The following RYR3 variants were observed in gnomAD, a reference collection of about 807,000 sequenced individuals.
RYR3 encodes brain ryanodine receptor-calcium release channel.
Under a neutral mutation model 584.3 loss-of-function variants are expected in RYR3, and 207 were observed. The ratio of observed to expected loss-of-function variants is 0.35; its 90% CI spans 0.32 to 0.40. The LOEUF is 0.40. RYR3 is among the 10% of genes least tolerant of loss of function. RYR3 has a pLI of 1.00. For missense variants in RYR3, 5,616 were observed against 6,089.2 expected, an observed-to-expected ratio of 0.92 and a Z score of 2.59; for synonymous variants, 2,416 against 2,248.5, an observed-to-expected ratio of 1.07 and a Z score of -2.11.
In RYR3 at chr15:33,746,058, A is replaced by G. The variant is rs1178972560; in HGVS notation, c.7900-10A>G. The G allele has an allele frequency of 6.4e-6, 10 of 1,573,974 alleles. No individual in the cohort carries two copies. The highest frequency in any genetic ancestry group is 7.8e-6 in the Non-Finnish European group (9 of 1,155,460). On this transcript the variant is annotated splice_polypyrimidine_tract_variant and intron_variant, in intron 52 of 103. Transcript: ENST00000634891. ...TGCCAAGGATATTTGAACTGAGAAC[A>G]TTTCTACAGAGTCAGAGTGGATGGA...
intron 12 of RYR3, among the ~76,000 whole-genome samples, chr15:33,572,063 A>G (rs1406513969): frequency 6.6e-6 from 1 of 152,208 alleles, no homozygotes; most frequent in African/African-American, 2.4e-5. Context: ...GCAACTTTGC[A>G]TTAACATTTT....
chr15:33,678,869 A>G (rs2064374528), intron 38 of RYR3, among the ~76,000 whole-genome samples: 1 of 152,186 alleles, frequency 6.6e-6, no homozygotes. Flanking sequence ...CTTTGACTGC[A>G]GAGAGCCTTG....
chr15:33,685,592 A>G (rs1173993199), intron 38 of RYR3, among the ~76,000 whole-genome samples: 3 of 152,224 alleles, frequency 2.0e-5, no homozygotes, highest in Admixed American at 6.5e-5. Context: ...CCAAGCGTAC[A>G]TAATAGACAT....
In RYR3 at chr15:33,613,334, C is replaced by T. The variant is rs770405615; in HGVS notation, c.2316C>T (p.Asp772=). The T allele has an allele frequency of 1.6e-5, 26 of 1,612,648 alleles. No individual in the cohort carries two copies. Among genetic ancestry groups the T allele is most frequent in the Middle Eastern group, 1.6e-4 (1 of 6,078 alleles). ...VQGMFENFNT[D]GLFFPVMSFS... is the part of the protein sequence containing the mutation. The stretch of plus-strand genomic sequence containing the variant: ...GGATGTTTGAGAACTTCAACACAGA[C>T]GGGCTCTTCTTCCCTGTGATGAGCT... The change falls in exon 19 of 104, where the codon GAC becomes GAT. Residue 772 remains aspartate, a synonymous_variant. Transcript: ENST00000634891.
At chr15:33,842,453 T>C (rs2078431382) in intron 91 of RYR3, among the ~76,000 whole-genome samples, 1 of 152,270 alleles carries the variant, frequency 6.6e-6, no homozygotes, top group African/African-American at 2.4e-5. Context: ...AAACCTTGAT[T>C]GTTCTATATG....
At chr15:33,740,740 A>C (rs2152835447) in intron 51 of RYR3, among the ~76,000 whole-genome samples, 1 of 152,360 alleles carries the variant, frequency 6.6e-6, no homozygotes, top group East Asian at 1.9e-4. Flanking sequence ...AGTAAGCCTG[A>C]GCCTATATGA....
intron 63 of RYR3, 117 bp downstream of exon 63, chr15:33,772,275 C>A: frequency 5.0e-6 from 3 of 599,694 alleles, no homozygotes; most frequent in East Asian, 2.8e-5. Flanking sequence ...TTATTCCATG[C>A]CTTTTCTTTC....
intron 67 of RYR3, among the ~76,000 whole-genome samples, chr15:33,789,575 C>T (rs2074962784): frequency 8.3e-6 from 1 of 120,872 alleles, no homozygotes; most frequent in Non-Finnish European, 1.6e-5. Flanking sequence ...ATGTACTAAA[C>T]ATCGCTGATT....
intron 1 of RYR3, among the ~76,000 whole-genome samples, chr15:33,384,766 A>G (rs2141225986): frequency 6.6e-6 from 1 of 152,168 alleles, no homozygotes; most frequent in East Asian, 1.9e-4. Context: ...ACCATGTTGT[A>G]TAATGGATCC....
At chr15:33,364,103 A>G (rs1380055595) in intron 1 of RYR3, among the ~76,000 whole-genome samples, 1 of 152,218 alleles carries the variant, frequency 6.6e-6, no homozygotes. Context: ...GTAACTTCTT[A>G]TATTGAATAC....
intron 50 of RYR3, among the ~76,000 whole-genome samples, chr15:33,739,293 A>G (rs2069825005): frequency 6.6e-6 from 1 of 152,230 alleles, no homozygotes; most frequent in African/African-American, 2.4e-5. Flanking sequence ...TCGTTGGTCT[A>G]GTATAAGCAG....
chr15:33,626,231 A>T (rs2060978207), intron 20 of RYR3, among the ~76,000 whole-genome samples: 1 of 152,206 alleles, frequency 6.6e-6, no homozygotes. Context: ...CTTTGACCAA[A>T]GTGCTGATAG....
chr15:33,843,410 C>G (rs2078508373), intron 91 of RYR3, 78 bp from the exon 92 acceptor site: 2 of 966,598 alleles, frequency 2.1e-6, no homozygotes, highest in African/African-American at 3.2e-5. Context: ...CTAACCAGAA[C>G]TGACCTTCTG....
intron 1 of RYR3, among the ~76,000 whole-genome samples, chr15:33,443,859 A>T (rs1036713151): frequency 6.6e-6 from 1 of 152,090 alleles, no homozygotes; most frequent in Non-Finnish European, 1.5e-5. Context: ...TCATTTTTGG[A>T]GATTTCAGCG....
intron 1 of RYR3, among the ~76,000 whole-genome samples, chr15:33,320,942 C>T (rs1968882091): frequency 6.6e-6 from 1 of 152,192 alleles, no homozygotes; most frequent in Non-Finnish European, 1.5e-5. Flanking sequence ...TCCTGGCATT[C>T]TGCTTCACTC....
intron 1 of RYR3, among the ~76,000 whole-genome samples, chr15:33,435,507 CTTATACTTGTGTGAGAATTTCTTCAGGAT>C (rs912991204): frequency 2.0e-5 from 3 of 152,108 alleles, no homozygotes; most frequent in Non-Finnish European, 4.4e-5. Flanking sequence ...AATAAACATT[CTTATACTTGTGTGAGAATTTCTTCAGGAT>C]TTATACTTAC....
At chr15:33,764,454 C>G (rs1219994794) in intron 60 of RYR3, among the ~76,000 whole-genome samples, 2 of 151,910 alleles carry the variant, frequency 1.3e-5, no homozygotes, top group Non-Finnish European at 2.9e-5. Flanking sequence ...GGAGGGATAG[C>G]ATTAGGAGAA....
intron 2 of RYR3, among the ~76,000 whole-genome samples, chr15:33,485,316 A>G (rs2050316913): frequency 6.6e-6 from 1 of 152,200 alleles, no homozygotes. Context: ...AAGACAACCA[A>G]TGAGGCATCT....
At chr15:33,368,704 C>T (rs372182223) in intron 1 of RYR3, among the ~76,000 whole-genome samples, 8 of 152,026 alleles carry the variant, frequency 5.3e-5, no homozygotes, top group African/African-American at 1.7e-4. Context: ...TGCACCTTGT[C>T]GGAGTGCCCC....
Sources: gnomAD v4.1 joint callset for allele counts (sites outside exome capture counted in the v4.1 genomes callset) on GRCh38, gnomAD v4.1.1 for gene constraint, MANE v1.5 for transcripts, NCBI Gene and HGNC (gene_info 2026-07-23, HGNC 2026-07-21) for gene names.